CYP46A1: variants seen among roughly 807,000 people sequenced by gnomAD.
CYP46A1 encodes cholesterol 24-hydroxylase.
In CYP46A1, 20 loss-of-function variants were observed where a neutral mutation model predicts 63.3. The observed-to-expected ratio is 0.32, with a 90% CI of 0.22 to 0.46. The LOEUF is 0.46. Among genes scored for constraint, CYP46A1 ranks in the 20% least tolerant of loss-of-function variants. The pLI, the probability that CYP46A1 is intolerant of heterozygous loss-of-function variation, is 1.00. For synonymous variants in CYP46A1, 268 were observed against 273.6 expected, an observed-to-expected ratio of 0.98 and a Z score of 0.20; for missense variants, 445 against 670.8, an observed-to-expected ratio of 0.66 and a Z score of 3.72.
chr14:99,718,599 G>A (rs1441283847), intron 10 of CYP46A1, among the ~76,000 whole-genome samples: 1 of 152,152 alleles, frequency 6.6e-6, no homozygotes, highest in Non-Finnish European at 1.5e-5. Flanking sequence ...GGTGTCCCTG[G>A]GGAGGTGGTA....
intron 1 of CYP46A1, among the ~76,000 whole-genome samples, chr14:99,687,657 C>A (rs888441140): frequency 1.3e-5 from 2 of 152,240 alleles, no homozygotes; most frequent in Non-Finnish European, 2.9e-5. Context: ...ATGGCCTCTC[C>A]TCGTTCACTG....
At chr14:99,705,730 G>T (rs987173410) in intron 5 of CYP46A1, among the ~76,000 whole-genome samples, 30 of 152,190 alleles carry the variant, frequency 2.0e-4, no homozygotes, top group Non-Finnish European at 4.0e-4. Context: ...TTTGAGACCA[G>T]CCTGGCCAAC....
intron 1 of CYP46A1, among the ~76,000 whole-genome samples, chr14:99,688,209 G>A (rs2056511752): frequency 6.6e-6 from 1 of 152,122 alleles, no homozygotes; most frequent in Non-Finnish European, 1.5e-5. Flanking sequence ...GATTACTCTG[G>A]AAATACATCC....
intron 11 of CYP46A1, among the ~76,000 whole-genome samples, 158 bp from the exon 12 acceptor site, chr14:99,721,798 G>A (rs2056849128): frequency 6.6e-6 from 1 of 152,088 alleles, no homozygotes; most frequent in Non-Finnish European, 1.5e-5. Flanking sequence ...TCACGTGACG[G>A]TGAGGCTGAT....
chr14:99,690,229 G>T (rs931920778), intron 1 of CYP46A1, among the ~76,000 whole-genome samples: 12 of 152,210 alleles, frequency 7.9e-5, no homozygotes, highest in Non-Finnish European at 1.2e-4. Context: ...AGACCTTGGT[G>T]TTGACCTTGA....
chr14:99,691,171 C>T lies in CYP46A1; in HGVS notation c.200+10C>T. Reference sequence around the variant, plus strand: ...ATGTGTTTTTGGATTGGTGGGTTCTCATTTGTCACTTGTTGCCCTTACTCC... The same window carrying T: ...ATGTGTTTTTGGATTGGTGGGTTCTTATTTGTCACTTGTTGCCCTTACTCC... On this transcript the variant is annotated intron_variant, in intron 2 of 14. Coordinates refer to ENST00000261835, the MANE Select transcript of CYP46A1 (RefSeq NM_006668.2). 6.2e-7 allele frequency: 1 copy of T among 1,614,038 alleles called. No individual in the cohort carries two copies. Among genetic ancestry groups the T allele is most frequent in the Non-Finnish European group, 8.5e-7 (1 of 1,179,944 alleles).
At chr14:99,694,437 A>G (rs1199050339) in intron 3 of CYP46A1, among the ~76,000 whole-genome samples, 1 of 148,076 alleles carries the variant, frequency 6.8e-6, no homozygotes, top group Non-Finnish European at 1.5e-5. Context: ...TTTCCAAATA[A>G]GTAGCTTTTA....
intron 9 of CYP46A1, 181 bp from the exon 10 acceptor site, chr14:99,717,873 T>G (rs924365196): frequency 5.9e-6 from 3 of 510,710 alleles, no homozygotes; most frequent in Admixed American, 7.2e-5. Flanking sequence ...AAAATGGAGG[T>G]GAGCACCTCC....
chr14:99,718,635 A>G (rs999094169), intron 10 of CYP46A1, among the ~76,000 whole-genome samples: 1 of 152,070 alleles, frequency 6.6e-6, no homozygotes, highest in African/African-American at 2.4e-5. Flanking sequence ...TGGTTTCCTT[A>G]AATACAAACA....
At chr14:99,694,396 T>C (rs2056570094) in intron 3 of CYP46A1, among the ~76,000 whole-genome samples, 1 of 149,822 alleles carries the variant, frequency 6.7e-6, no homozygotes. Flanking sequence ...TCTTGATCAG[T>C]TCACCAAAAG....
intron 1 of CYP46A1, 95 bp downstream of exon 1, chr14:99,684,631 C>G: frequency 9.0e-7 from 1 of 1,112,396 alleles, no homozygotes; most frequent in Non-Finnish European, 1.3e-6. Context: ...GGTCCGGCCT[C>G]GCCTAGTGCG....
intron 3 of CYP46A1, among the ~76,000 whole-genome samples, chr14:99,697,203 A>G (rs2056594196): frequency 6.6e-6 from 1 of 152,170 alleles, no homozygotes; most frequent in Non-Finnish European, 1.5e-5. Flanking sequence ...GACCTAAGGG[A>G]CCCCATGCAG....
intron 5 of CYP46A1, among the ~76,000 whole-genome samples, chr14:99,704,003 C>T (rs1447211855): frequency 6.6e-6 from 1 of 152,174 alleles, no homozygotes; most frequent in Non-Finnish European, 1.5e-5. Context: ...TTATGGGAAA[C>T]ATCAATTCTA....
In CYP46A1 at chr14:99,722,153, G is replaced by T; in HGVS notation, c.1176+87G>T. 1 of 968,568 alleles carries T rather than the reference G, an allele frequency of 1.0e-6. No individual in the cohort carries two copies. The highest frequency in any genetic ancestry group is 1.6e-6 in the Non-Finnish European group (1 of 634,098). The allele number at this position is 968,568 out of a possible 1,614,324, so 60.0% of individuals were successfully genotyped here. A position where few individuals can be genotyped will look rare whatever the true frequency, so the allele number is the denominator to read the frequency against. ...TTGGGACTCACCAGGGGAGCCTGTG[G>T]CCCTGTTCCCATCATTGCAACGGGC... is the stretch of plus-strand genomic sequence containing the variant. On this transcript the variant is annotated intron_variant, in intron 12 of 14. Coordinates refer to ENST00000261835, the MANE Select transcript of CYP46A1 (RefSeq NM_006668.2). The surrounding 1 kb of genome is among the most constrained non-coding windows in gnomAD (Gnocchi z 4.6).
chr14:99,715,672 C>T, intron 7 of CYP46A1, 138 bp from the exon 8 acceptor site: 1 of 1,137,222 alleles, frequency 8.8e-7, no homozygotes, highest in Non-Finnish European at 1.3e-6. Flanking sequence ...CTGGCTGCTT[C>T]ATCTTTTCTA....
In CYP46A1 at chr14:99,718,034, A is replaced by G. The variant is rs1232501451; in HGVS notation, c.908-20A>G. ...TCCTGTGGCCCCATGTGGAGCAACC[A>G]CCGTCCTCCCTTCCCACAGGTCACG... On this transcript the variant is annotated intron_variant, in intron 9 of 14. Coordinates refer to ENST00000261835, the MANE Select transcript of CYP46A1 (RefSeq NM_006668.2). 1.9e-6 allele frequency: 3 copies of G among 1,607,398 alleles called. No homozygotes were observed. The highest frequency in any genetic ancestry group is 2.7e-5 in the African/African-American group (2 of 74,802).
rs898823401 is a variant in CYP46A1 at position 99,691,488 on chromosome 14, A to G, written c.201-292A>G. The G allele has an allele frequency of 8.7e-6, 5 of 572,974 alleles. No homozygotes were observed. In the East Asian group the frequency reaches 1.4e-4, roughly 16 times the overall value. 35.5% of individuals were successfully genotyped at this position (572,974 alleles called of 1,614,324 possible). A position where few individuals can be genotyped will look rare whatever the true frequency, so the allele number is the denominator to read the frequency against. ...TACATTTTTCAAAGTACTTTCAAAG[A>G]TGCGAATCATTTGATTCCCAGGACA... On this transcript the variant is annotated intron_variant, in intron 2 of 14. Coordinates refer to ENST00000261835, the MANE Select transcript of CYP46A1 (RefSeq NM_006668.2).
intron 1 of CYP46A1, among the ~76,000 whole-genome samples, chr14:99,686,789 T>C (rs1478075624): frequency 6.6e-6 from 1 of 152,192 alleles, no homozygotes; most frequent in East Asian, 1.9e-4. Flanking sequence ...ATGAATATAA[T>C]CATGATTGGG....
chr14:99,716,766 C>T (rs551189162), intron 9 of CYP46A1, among the ~76,000 whole-genome samples: 2 of 152,268 alleles, frequency 1.3e-5, no homozygotes, highest in African/African-American at 2.4e-5. Flanking sequence ...ACTTGATGAG[C>T]GAAGGGTCAG....
Sources: allele counts gnomAD v4.1 joint callset (sites outside exome capture counted in the v4.1 genomes callset), GRCh38; gene constraint gnomAD v4.1.1; non-coding constraint Gnocchi (gnomAD v3.1); transcripts MANE v1.5; gene names NCBI Gene and HGNC (gene_info 2026-07-23, HGNC 2026-07-21).